Variants in DUOX2 observed in about 807,000 individuals in gnomAD.
DUOX2 encodes dual oxidase 2, also known as NADH/NADPH thyroid oxidase p138-tox.
In DUOX2, 185 loss-of-function variants were observed where a neutral mutation model predicts 183.3. The observed-to-expected ratio is 1.01, with a 90% CI of 0.90 to 1.14. DUOX2 has a LOEUF of 1.14. Among genes scored for constraint, DUOX2 ranks in the 50% most tolerant of loss-of-function variants. DUOX2 has a pLI of 0.00. For missense variants in DUOX2, 1,999 were observed against 2,022.9 expected (o/e 0.99, Z 0.23); for synonymous variants, 788 against 812.4 (o/e 0.97, Z 0.51).
Position 45,101,861 on chromosome 15 carries a change from A to G in DUOX2, c.2783T>C (p.Leu928Pro). ...GCGGAGCTCGCTGTCATGGTCCCGC[A>G]GCATGAAGTGAAAATCCTCCCATGT... Reference protein sequence around the residue: ...ELTWEDFHFMLRDHDSELRFT... With the variant: ...ELTWEDFHFMPRDHDSELRFT... The change falls in exon 21 of 34, where the codon CTG becomes CCG. Residue 928 changes from leucine (L) to proline (P), a missense_variant. This residue lies in a region of DUOX2 where 1,628 missense variants were observed against 1,608.6 expected (regional missense o/e 1.01). Coordinates refer to ENST00000389039, the MANE Select transcript of DUOX2 (RefSeq NM_001363711.2). The G allele has an allele frequency of 3.1e-6, 5 of 1,614,212 alleles. No individual in the cohort carries two copies. The highest frequency in any genetic ancestry group is 4.2e-6 in the Non-Finnish European group (5 of 1,180,038).
Position 45,100,853 on chromosome 15 carries a change from TG to T in DUOX2, c.2922-16del. 6.4e-7 allele frequency: 1 copy of T among 1,574,578 alleles called. No individual in the cohort carries two copies. The highest frequency in any genetic ancestry group is 8.7e-7 in the Non-Finnish European group (1 of 1,144,312). On this transcript the variant is annotated splice_polypyrimidine_tract_variant and intron_variant, in intron 22 of 33. Coordinates refer to ENST00000389039, the MANE Select transcript of DUOX2 (RefSeq NM_001363711.2). ...GGGGGTGGGAGCTGAGAAAAAGAAA[TG>T]GGGCTGTTCTCCCCTTGTCTTTGCA...
chr15:45,096,143 C>T lies in DUOX2; in HGVS notation c.3848-83G>A, dbSNP rs1893895103. The T allele has an allele frequency of 5.0e-6, 6 of 1,210,626 alleles. No homozygotes were observed. The South Asian group carries it at 6.2e-5, about 12-fold the overall frequency. 75.0% of individuals were successfully genotyped at this position (1,210,626 alleles called of 1,614,324 possible). A position where few individuals can be genotyped will look rare whatever the true frequency, so the allele number is the denominator to read the frequency against. ...GACTGATAGGCACCTGTCCTCTTCA[C>T]ACCCCTGAGGCCTGGGGAGTAGTCA... On this transcript the variant is annotated intron_variant, in intron 29 of 33. Transcript: ENST00000389039.
chr15:45,105,074 G>C (rs1441300577), intron 18 of DUOX2, among the ~76,000 whole-genome samples: 1 of 152,192 alleles, frequency 6.6e-6, no homozygotes, highest in Admixed American at 6.5e-5. Flanking sequence ...GCCCGCCTCA[G>C]CCTCCCAAAG....
At position 45,110,862 on chromosome 15, in the gene DUOX2, C is replaced by T. The variant is rs541841181; in HGVS notation, c.883-152G>A. 5.4e-6 allele frequency: 6 copies of T among 1,105,882 alleles called. No homozygotes were observed. In the East Asian group the frequency reaches 1.3e-4, roughly 24 times the overall value. 68.5% of individuals were successfully genotyped at this position (1,105,882 alleles called of 1,614,324 possible). A position where few individuals can be genotyped will look rare whatever the true frequency, so the allele number is the denominator to read the frequency against. ...CAGACAGGAGCAGTGTGAGGCCTGT[C>T]CCCACAAGGAACCAGGGGATTTGAG... On this transcript the variant is annotated intron_variant, in intron 7 of 33. Coordinates refer to ENST00000389039, the MANE Select transcript of DUOX2 (RefSeq NM_001363711.2).
Position 45,101,213 on chromosome 15 carries a change from A to C in DUOX2, c.2913T>G (p.Pro971=). Residue 971 remains proline (P), a synonymous_variant, in exon 22 of 34, where the codon CCT becomes CCG. Coordinates refer to ENST00000389039, the MANE Select transcript of DUOX2 (RefSeq NM_001363711.2). ...GCCCCATTCCTGCTCACCGCTCCCC[A>C]GGTGTCCGAGTGATGAACGAGACTC... ...SCRVSFITRT[P]GERSHPQGLG... is the part of the protein sequence containing the mutation. 1.2e-6 allele frequency: 2 copies of C among 1,613,604 alleles called. No homozygotes were observed. Among genetic ancestry groups the C allele is most frequent in the Non-Finnish European group, 1.7e-6 (2 of 1,179,848 alleles).
chr15:45,096,840 C>T (rs113823753), intron 29 of DUOX2, among the ~76,000 whole-genome samples: 1,986 of 152,310 alleles, frequency 0.013, 38 homozygotes, highest in Admixed American at 0.036. Flanking sequence ...CCAGCACTGA[C>T]TCTCAACAAC....
At chr15:45,100,398 G>C in intron 23 of DUOX2, 170 bp from the exon 24 acceptor site, 1 of 647,794 alleles carries the variant, frequency 1.5e-6, no homozygotes, top group Non-Finnish European at 2.6e-6. Context: ...CTTTACTTCT[G>C]TCTTTGCTCC....
Position 45,108,906 on chromosome 15 carries a change from G to A in DUOX2, c.1281C>T (p.Ala427=). 3 of 1,614,224 alleles carry A rather than the reference G, an allele frequency of 1.9e-6. No individual in the cohort carries two copies. Among genetic ancestry groups the A allele is most frequent in the Non-Finnish European group, 2.5e-6 (3 of 1,180,042 alleles). ...TATCTCGGCCACGTTGGATGCTGCT[G>A]GCCACATAGTCTGTACGGGAGAATT... is the stretch of plus-strand genomic sequence containing the variant. ...PGKFSRTDYV[A]SSIQRGRDMG... Residue 427 remains alanine (A), a synonymous_variant, in exon 12 of 34, where the codon GCC becomes GCT. Coordinates refer to ENST00000389039, the MANE Select transcript of DUOX2 (RefSeq NM_001363711.2).
intron 9 of DUOX2, 85 bp from the exon 10 acceptor site, chr15:45,110,065 G>A (rs1257570314): frequency 8.0e-6 from 10 of 1,248,050 alleles, no homozygotes; most frequent in Admixed American, 3.4e-5. Flanking sequence ...CTCAGTGGGG[G>A]TTCACTAGGA....
chr15:45,112,625 C>T lies in DUOX2; in HGVS notation c.254G>A (p.Ser85Asn), dbSNP rs1566978967. The T allele has an allele frequency of 6.2e-7, 1 of 1,612,854 alleles. No individual in the cohort carries two copies. Among genetic ancestry groups the T allele is most frequent in the Non-Finnish European group, 8.5e-7 (1 of 1,179,818 alleles). ...GGCTATGCCCCGCGTGGCTGCGTTG[C>T]TGAGCCGGCGCGGGTTGGGCAGCTG... is the stretch of plus-strand genomic sequence containing the variant. Reference protein sequence around the residue: ...EPQLPNPRRLSNAATRGIAGL... With the variant: ...EPQLPNPRRLNNAATRGIAGL... The change falls in exon 4 of 34, where the codon AGC becomes AAC. Residue 85 changes from serine to asparagine, a missense_variant. Around this residue, in one of 3 missense-constraint regions of DUOX2, gnomAD observed 356 missense variants for 356.4 expected, o/e 1.00. Coordinates refer to ENST00000389039, the MANE Select transcript of DUOX2 (RefSeq NM_001363711.2).
At chr15:45,097,437 T>A (rs747431782) in intron 28 of DUOX2, 46 bp from the exon 29 acceptor site, 1 of 1,614,034 alleles carries the variant, frequency 6.2e-7, no homozygotes, top group Non-Finnish European at 8.5e-7. Flanking sequence ...GCCAGGCCCC[T>A]GCCCGGCATC....
At chr15:45,108,660 G>T in intron 12 of DUOX2, 129 bp downstream of exon 12, 2 of 1,093,542 alleles carry the variant, frequency 1.8e-6, no homozygotes, top group Non-Finnish European at 1.4e-6. Context: ...TCAGTAAAAT[G>T]GGGAAAATGA....
At position 45,114,142 on chromosome 15, in the gene DUOX2, G is replaced by C. The variant is rs969004662; in HGVS notation, c.-184C>G. On this transcript the variant is annotated 5_prime_UTR_variant, in exon 1 of 34. Transcript: ENST00000389039. ...GGTCCTTGGTCTCGCCACTGTGCAG[G>C]TGTCGGCTCAGGACAGACCTGCGCC... 1.2e-5 allele frequency: 3 copies of C among 252,238 alleles called. No homozygotes were observed. Among genetic ancestry groups the C allele is most frequent in the African/African-American group, 4.5e-5 (2 of 44,870 alleles). The allele number at this position is 252,238 out of a possible 1,614,324, so 15.6% of individuals were successfully genotyped here. A position where few individuals can be genotyped will look rare whatever the true frequency, so the allele number is the denominator to read the frequency against.
intron 13 of DUOX2, among the ~76,000 whole-genome samples, chr15:45,107,719 T>C (rs949956429): frequency 1.3e-5 from 2 of 151,374 alleles, no homozygotes; most frequent in South Asian, 4.2e-4. Flanking sequence ...GGCATGTTGG[T>C]GCATGCCTGT....
At chr15:45,113,900 A>C in intron 1 of DUOX2, 73 bp downstream of exon 1, 1 of 198,690 alleles carries the variant, frequency 5.0e-6, no homozygotes, top group Non-Finnish European at 1.0e-5. Flanking sequence ...TTCCCCAATA[A>C]ACTCCCCTTC....
At chr15:45,109,741 G>C in intron 10 of DUOX2, 115 bp from the exon 11 acceptor site, 2 of 1,329,096 alleles carry the variant, frequency 1.5e-6, no homozygotes, top group Non-Finnish European at 2.2e-6. Flanking sequence ...AGACTCTCTT[G>C]AACTGTTGTC....
chr15:45,096,667 A>G (rs761260641), intron 29 of DUOX2, among the ~76,000 whole-genome samples: 10 of 152,220 alleles, frequency 6.6e-5, no homozygotes, highest in Non-Finnish European at 1.3e-4. Context: ...GTAGAAAGGC[A>G]TACTAACACC....
In DUOX2 at chr15:45,104,215, A is replaced by T. The variant is rs1371171110; in HGVS notation, c.2485T>A (p.Ser829Thr). The change falls in exon 19 of 34, where the codon TCT becomes ACT. Residue 829 changes from serine to threonine, a missense_variant. Transcript: ENST00000389039. ...PQDMFVESMF[S>T]LADKDGNGYL... ...CCATTGCCATCCTTGTCAGCCAGAGAGAACATGGACTCCACAAACATGTCC... is the reference window on the plus strand; with the variant it reads ...CCATTGCCATCCTTGTCAGCCAGAGTGAACATGGACTCCACAAACATGTCC... The T allele has an allele frequency of 6.2e-7, 1 of 1,614,114 alleles. No homozygotes were observed. Among genetic ancestry groups the T allele is most frequent in the Non-Finnish European group, 8.5e-7 (1 of 1,180,008 alleles).
chr15:45,100,942 G>A, intron 22 of DUOX2, 104 bp from the exon 23 acceptor site: 5 of 781,902 alleles, frequency 6.4e-6, no homozygotes, highest in Non-Finnish European at 1.1e-5. Flanking sequence ...CCTGGTACCA[G>A]GCAGGGGGCA....
Sources: gnomAD v4.1 joint callset for allele counts (sites outside exome capture counted in the v4.1 genomes callset) on GRCh38, gnomAD v4.1.1 for gene constraint, gnomAD v4.1.1 regional missense constraint, MANE v1.5 for transcripts, NCBI Gene and HGNC (gene_info 2026-07-23, HGNC 2026-07-21) for gene names.